Variants in AGAP5 observed in about 807,000 individuals in gnomAD.
The protein encoded by AGAP5 is ArfGAP with GTPase domain, ankyrin repeat and PH domain 5, also known as arf-GAP with GTPase, ANK repeat and PH domain-containing protein 5.
Under a neutral mutation model 27.7 loss-of-function variants are expected in AGAP5, and 8 were observed. That is an observed-to-expected ratio of 0.29 (90% CI 0.17 to 0.52). AGAP5 has a LOEUF of 0.52. AGAP5 is among the 20% of genes least tolerant of loss of function. AGAP5 has a pLI of 0.97. For synonymous variants in AGAP5, 111 were observed against 338.0 expected, an observed-to-expected ratio of 0.33 and a Z score of 7.37; for missense variants, 285 against 880.8, an observed-to-expected ratio of 0.32 and a Z score of 8.56.
chr10:73,696,189 T>C (rs2082160354), intron 2 of AGAP5, among the ~76,000 whole-genome samples: 2 of 150,586 alleles, frequency 1.3e-5, no homozygotes, highest in South Asian at 2.1e-4. Flanking sequence ...ATTTTTGTAT[T>C]TTTTTTTTAG....
intron 2 of AGAP5, among the ~76,000 whole-genome samples, chr10:73,695,265 T>C (rs2082151965): frequency 6.6e-6 from 1 of 152,146 alleles, no homozygotes; most frequent in South Asian, 2.1e-4. Flanking sequence ...TTCCATTTCA[T>C]TCTGAGGACA....
rs372644551 is a variant in AGAP5, at chr10:73,693,951, TA to T, written c.361+784del. Among the ~76,000 whole-genome samples, 101 of 152,284 alleles carry T rather than the reference TA, an allele frequency of 6.6e-4. 1 individual carries two copies. The South Asian group carries it at 0.015, about 22-fold the overall frequency. On this transcript the variant is annotated intron_variant, in intron 3 of 7. Transcript: ENST00000374094. Reference sequence around the variant, plus strand: ...TAATGTAAAAAATGAAGACAAATTCTAACCAGAAATAACTGACTCAAGATGG... The same window carrying T: ...TAATGTAAAAAATGAAGACAAATTCTACCAGAAATAACTGACTCAAGATGG...
intron 4 of AGAP5, among the ~76,000 whole-genome samples, chr10:73,688,902 A>G (rs1490100058): frequency 1.3e-5 from 2 of 152,180 alleles, no homozygotes; most frequent in Non-Finnish European, 2.9e-5. Context: ...ATTCAAGAAC[A>G]ACACTGTAAT....
rs752304824 is a variant in AGAP5, at chr10:73,697,745, A to G, written c.11T>C (p.Ile4Thr). 9.3e-5 allele frequency: 148 copies of G among 1,597,552 alleles called. 1 individual carries two copies. The highest frequency in any genetic ancestry group is 1.1e-4 in the Non-Finnish European group (135 of 1,179,792). Residue 4 changes from isoleucine (I) to threonine (T), a missense_variant, in exon 1 of 8, where the codon ATA becomes ACA. Transcript: ENST00000374094. MGN[I>T]LTCCVHPSVS... ...GCTAGGGTGCACACAACAGGTCAGT[A>G]TGTTCCCCATGGGGCGCCTCTACTG...
intron 4 of AGAP5, among the ~76,000 whole-genome samples, chr10:73,687,351 C>T (rs2082073693): frequency 6.6e-6 from 1 of 152,160 alleles, no homozygotes; most frequent in African/African-American, 2.4e-5. Context: ...AACTCCTGAG[C>T]TCAAGCGATC....
intron 4 of AGAP5, among the ~76,000 whole-genome samples, chr10:73,689,802 G>C (rs1198225567): frequency 6.7e-6 from 1 of 150,348 alleles, no homozygotes; most frequent in Non-Finnish European, 1.5e-5. Flanking sequence ...CAGCCACCCT[G>C]TCTGGGAAGT....
At chr10:73,695,215 T>A (rs180912802) in intron 2 of AGAP5, among the ~76,000 whole-genome samples, 4 of 152,272 alleles carry the variant, frequency 2.6e-5, no homozygotes, top group East Asian at 3.9e-4. Context: ...ATTCTAGAGT[T>A]TTTAAAATTT....
chr10:73,674,347 A>C lies in AGAP5; in HGVS notation c.*252T>G. 1 of 667,178 alleles carries C rather than the reference A, an allele frequency of 1.5e-6. No individual in the cohort carries two copies. Among genetic ancestry groups the C allele is most frequent in the Non-Finnish European group, 2.6e-6 (1 of 390,136 alleles). The allele number at this position is 667,178 out of a possible 1,614,324, so 41.3% of individuals were successfully genotyped here. ...TTCACACATTTTATCTAAATACATA[A>C]TACAGAAGCCTGTGTGACTTGGGCA... On this transcript the variant is annotated 3_prime_UTR_variant, in exon 8 of 8. Coordinates refer to ENST00000374094, the MANE Select transcript of AGAP5 (RefSeq NM_001144000.4).
At chr10:73,696,359 A>G (rs1218945449) in intron 2 of AGAP5, among the ~76,000 whole-genome samples, 2 of 152,218 alleles carry the variant, frequency 1.3e-5, no homozygotes, top group African/African-American at 4.8e-5. Context: ...TGCTATTGTC[A>G]GGAGGGGAAG....
intron 5 of AGAP5, chr10:73,681,422 T>C (rs1159867247): frequency 2.0e-6 from 2 of 985,352 alleles, no homozygotes; most frequent in African/African-American, 3.5e-5. Flanking sequence ...GCATAAGTGA[T>C]CTCAGCGAGT....
rs1038753839 is a variant in AGAP5, at chr10:73,697,982, G to A, written c.-227C>T. ...CCTGCTGCCTCCCCTGAGTTGACTT[G>A]TCTGGGAGGGTGAAGACCAGCTGGC... is the stretch of plus-strand genomic sequence containing the variant. On this transcript the variant is annotated 5_prime_UTR_variant, in exon 1 of 8. Transcript: ENST00000374094. 6.3e-5 allele frequency: 93 copies of A among 1,477,324 alleles called. 1 individual carries two copies. Among genetic ancestry groups the A allele is most frequent in the Admixed American group, 6.9e-5 (3 of 43,514 alleles). The allele number at this position is 1,477,324 out of a possible 1,614,324, so 91.5% of individuals were successfully genotyped here.
At chr10:73,689,984 TG>T (rs1225588252) in intron 4 of AGAP5, among the ~76,000 whole-genome samples, 2 of 132,042 alleles carry the variant, frequency 1.5e-5, no homozygotes, top group African/African-American at 5.9e-5. Flanking sequence ...GGGAGGGAGG[TG>T]GGGGGTCAGC....
Position 73,689,408 on chromosome 10 carries a change from C to T in AGAP5, c.396+2635G>A, listed in dbSNP as rs546899085. Among the ~76,000 whole-genome samples the T allele has an allele frequency of 5.7e-3, 860 of 151,190 alleles. 10 individuals are homozygous for T. The highest frequency in any genetic ancestry group is 0.02 in the African/African-American group (807 of 41,140). On this transcript the variant is annotated intron_variant, in intron 4 of 7. Coordinates refer to ENST00000374094, the MANE Select transcript of AGAP5 (RefSeq NM_001144000.4). ...GATTGCAGCCTCTGCCCAGCCGCCA[C>T]CCCGTCTGGGAAGTGAGGAGCGTCT...
At chr10:73,690,045 T>C (rs1365198741) in intron 4 of AGAP5, among the ~76,000 whole-genome samples, 4 of 147,278 alleles carry the variant, frequency 2.7e-5, no homozygotes, top group Non-Finnish European at 6.0e-5. Context: ...CCCCTCTGCC[T>C]GGCCGCCCCT....
intron 4 of AGAP5, among the ~76,000 whole-genome samples, chr10:73,687,628 T>C (rs920471435): frequency 3.3e-5 from 5 of 152,204 alleles, no homozygotes; most frequent in Non-Finnish European, 7.3e-5. Context: ...AAGTGTAATA[T>C]GCTTATTATA....
chr10:73,674,468 C>T lies in AGAP5; in HGVS notation c.*131G>A. 1.3e-6 allele frequency: 2 copies of T among 1,580,854 alleles called. No individual in the cohort carries two copies. ...GAAAAATCAACATTTTGTGTATTTA[C>T]TTAGTTTATGAAAAGTACTGAAAAT... On this transcript the variant is annotated 3_prime_UTR_variant, in exon 8 of 8. Transcript: ENST00000374094.
intron 3 of AGAP5, among the ~76,000 whole-genome samples, chr10:73,693,695 T>C (rs2132460772): frequency 6.7e-6 from 1 of 148,930 alleles, no homozygotes; most frequent in African/African-American, 2.5e-5. Context: ...TGAGACTCCA[T>C]TTCAAAAAAA....
rs1292925890 is a variant in AGAP5, at chr10:73,676,238, C to T, written c.586-164G>A. Among the ~76,000 whole-genome samples the T allele has an allele frequency of 3.1e-5, 4 of 128,946 alleles. No individual in the cohort carries two copies. In the East Asian group the frequency reaches 8.5e-4, roughly 27 times the overall value. 84.6% of individuals were successfully genotyped at this position (128,946 alleles called of 152,430 possible). A position where few individuals can be genotyped will look rare whatever the true frequency, so the allele number is the denominator to read the frequency against. On this transcript the variant is annotated intron_variant, in intron 7 of 7. Transcript: ENST00000374094. ...TTGGGAGGCCAAGGTGGGTGGATCA[C>T]GAGGTCAGGAGTTCAAGACCATCCT...
chr10:73,697,817 C>T lies in AGAP5; in HGVS notation c.-62G>A. ...GCTCACAGCTTTGGCCACACACTCC[C>T]ACTGTCCTAGGCCGAGGCTATGCTG... is the stretch of plus-strand genomic sequence containing the variant. On this transcript the variant is annotated 5_prime_UTR_variant, in exon 1 of 8. Coordinates refer to ENST00000374094, the MANE Select transcript of AGAP5 (RefSeq NM_001144000.4). The T allele has an allele frequency of 1.9e-6, 3 of 1,591,544 alleles. No individual in the cohort carries two copies. The highest frequency in any genetic ancestry group is 1.1e-5 in the South Asian group (1 of 90,460).
Sources: gnomAD v4.1 joint callset for allele counts (sites outside exome capture counted in the v4.1 genomes callset) on GRCh38, gnomAD v4.1.1 for gene constraint, MANE v1.5 for transcripts, NCBI Gene and HGNC (gene_info 2026-07-23, HGNC 2026-07-21) for gene names.